The following CDH17 variants were observed in gnomAD, a reference collection of about 807,000 sequenced individuals.
CDH17 encodes the protein cadherin 17.
CDH17 carries 67 observed loss-of-function variants against 86.3 expected under a neutral mutation model. The ratio of observed to expected loss-of-function variants is 0.78; its 90% confidence interval spans 0.64 to 0.95. The LOEUF (loss-of-function observed/expected upper bound fraction) is 0.95. Among genes scored for constraint, CDH17 ranks in the 40% least tolerant of loss-of-function variants. The probability of loss-of-function intolerance (pLI) is 0.00; values close to 1 mark genes in which losing one functional copy is unlikely to be tolerated. For synonymous variants in CDH17, 367 were observed against 366.4 expected, an observed-to-expected ratio of 1.00 and a Z score of -0.02; for missense variants, 993 against 1,017.6, an observed-to-expected ratio of 0.98 and a Z score of 0.33.
upstream of CDH17, among the ~76,000 whole-genome samples, chr8:94,212,814 C>T (rs939357269): frequency 1.3e-5 from 2 of 152,318 alleles, no homozygotes; most frequent in Admixed American, 6.5e-5. Context: ...GCCCAGCAGG[C>T]GGGGCCCTCA....
At chr8:94,183,545 A>T (rs1813522281) in intron 3 of CDH17, among the ~76,000 whole-genome samples, 1 of 151,112 alleles carries the variant, frequency 6.6e-6, no homozygotes, top group South Asian at 2.1e-4. Flanking sequence ...CTTACCCCAT[A>T]CCATACACAA....
chr8:94,152,452 G>A (rs1283144811), intron 12 of CDH17, among the ~76,000 whole-genome samples: 1 of 152,280 alleles, frequency 6.6e-6, no homozygotes, highest in African/African-American at 2.4e-5. Flanking sequence ...TGAGTGCAGT[G>A]GCGCAATCTT....
chr8:94,195,464 T>C (rs1184980955), intron 1 of CDH17, among the ~76,000 whole-genome samples: 1 of 152,226 alleles, frequency 6.6e-6, no homozygotes, highest in Non-Finnish European at 1.5e-5. Context: ...GCTGCCTCTT[T>C]GATCTTCTAG....
intron 15 of CDH17, among the ~76,000 whole-genome samples, chr8:94,132,665 G>A (rs1812442447): frequency 6.6e-6 from 1 of 152,132 alleles, no homozygotes; most frequent in Admixed American, 6.5e-5. Context: ...AAGCTCTTTA[G>A]TTTAATTAGA....
At chr8:94,139,246 A>T (rs1812590021) in intron 15 of CDH17, among the ~76,000 whole-genome samples, 1 of 152,176 alleles carries the variant, frequency 6.6e-6, no homozygotes, top group South Asian at 2.1e-4. Context: ...GCCATTGAAT[A>T]TAGCAGGAAA....
intron 3 of CDH17, among the ~76,000 whole-genome samples, chr8:94,181,122 T>C (rs1247280669): frequency 1.3e-5 from 2 of 151,892 alleles, no homozygotes; most frequent in Non-Finnish European, 2.9e-5. Context: ...GATATAAGGG[T>C]CAATCCATCA....
At chr8:94,137,448 G>A (rs1289247001) in intron 15 of CDH17, among the ~76,000 whole-genome samples, 1 of 152,192 alleles carries the variant, frequency 6.6e-6, no homozygotes, top group African/African-American at 2.4e-5. Flanking sequence ...TGCCAAGCCA[G>A]GCACGGGAGA....
chr8:94,197,086 G>T (rs1194443758), intron 1 of CDH17: 1 of 152,256 alleles, frequency 6.6e-6, no homozygotes, highest in Non-Finnish European at 1.5e-5. Context: ...TCTATCTGCA[G>T]GAGATAGAGC....
intron 9 of CDH17, among the ~76,000 whole-genome samples, chr8:94,166,184 C>T (rs1345953377): frequency 6.6e-6 from 1 of 152,166 alleles, no homozygotes; most frequent in African/African-American, 2.4e-5. Context: ...CATTAAGTAT[C>T]ATGGATTAAA....
At chr8:94,214,675 C>T (rs1367331449) in intron 1 of CDH17, among the ~76,000 whole-genome samples, 1 of 151,736 alleles carries the variant, frequency 6.6e-6, no homozygotes, top group Non-Finnish European at 1.5e-5. Flanking sequence ...AAATTAAGAA[C>T]TTTTGTGATT....
intron 3 of CDH17, among the ~76,000 whole-genome samples, chr8:94,187,745 T>C (rs1435428774): frequency 6.6e-6 from 1 of 152,118 alleles, no homozygotes; most frequent in East Asian, 1.9e-4. Flanking sequence ...GTCCTTGGTA[T>C]GTCTCCTGCC....
chr8:94,181,089 G>A (rs1172991082), intron 3 of CDH17, among the ~76,000 whole-genome samples: 2 of 151,812 alleles, frequency 1.3e-5, no homozygotes, highest in Admixed American at 6.6e-5. Flanking sequence ...AATTTTCAGA[G>A]ACAAAATGGG....
intron 9 of CDH17, 55 bp downstream of exon 9, chr8:94,170,342 C>T: frequency 1.3e-6 from 2 of 1,578,056 alleles, no homozygotes; most frequent in Non-Finnish European, 1.7e-6. Flanking sequence ...TTTTACCCAG[C>T]AGAGGAGAGA....
chr8:94,162,149 A>G lies in CDH17; in HGVS notation c.1296T>C (p.Leu432=). Residue 432 remains leucine, a synonymous_variant, in exon 11 of 18, where the codon CTT becomes CTC. Coordinates refer to ENST00000027335, the MANE Select transcript of CDH17 (RefSeq NM_004063.4). ...IEVSDKDFKT[L]CFVQINVIDI... ...CAATAACGTTGATTTGCACAAAACA[A>G]AGGGTCTTGAAATCTGAAAACCAAA... 1 of 1,606,818 alleles carries G rather than the reference A, an allele frequency of 6.2e-7. No individual in the cohort carries two copies. Among genetic ancestry groups the G allele is most frequent in the Non-Finnish European group, 8.5e-7 (1 of 1,173,616 alleles).
intron 15 of CDH17, among the ~76,000 whole-genome samples, chr8:94,142,786 A>C (rs1419061327): frequency 6.6e-6 from 1 of 152,236 alleles, no homozygotes; most frequent in Non-Finnish European, 1.5e-5. Flanking sequence ...TGTAAGAAGC[A>C]ACTCTCATTC....
chr8:94,146,908 G>A (rs1377736543), intron 14 of CDH17, among the ~76,000 whole-genome samples: 1 of 151,358 alleles, frequency 6.6e-6, no homozygotes, highest in African/African-American at 2.5e-5. Context: ...TTTGATTCCA[G>A]TAATGTTTTC....
At chr8:94,192,255 C>T (rs1448137601) in intron 2 of CDH17, among the ~76,000 whole-genome samples, 1 of 152,138 alleles carries the variant, frequency 6.6e-6, no homozygotes, top group Non-Finnish European at 1.5e-5. Flanking sequence ...CATCAAGCCG[C>T]TTTCCCCAGA....
At chr8:94,204,042 G>A (rs1014202967) in intron 1 of CDH17, among the ~76,000 whole-genome samples, 1 of 152,134 alleles carries the variant, frequency 6.6e-6, no homozygotes, top group African/African-American at 2.4e-5. Flanking sequence ...ATGGTCCCCT[G>A]GAGAACTTAA....
chr8:94,148,946 C>A, intron 13 of CDH17, 72 bp from the exon 14 acceptor site: 1 of 1,344,760 alleles, frequency 7.4e-7, no homozygotes, highest in South Asian at 1.4e-5. Context: ...GTTTGTGCGT[C>A]AACTAAATAT....
Sources: allele counts gnomAD v4.1 joint callset (sites outside exome capture counted in the v4.1 genomes callset), GRCh38; gene constraint gnomAD v4.1.1; transcripts MANE v1.5; gene names NCBI Gene and HGNC (gene_info 2026-07-23, HGNC 2026-07-21).